NRXN3: variants seen among roughly 807,000 people sequenced by gnomAD.
NRXN3 encodes neurexin 3.
Under a neutral mutation model 137.6 loss-of-function variants are expected in NRXN3, and 32 were observed. The observed-to-expected ratio is 0.23, with a 90% CI of 0.18 to 0.31. The LOEUF (loss-of-function observed/expected upper bound fraction) is 0.31, where lower values mean the gene tolerates loss of function less well. NRXN3 is among the 10% of genes least tolerant of loss of function. The pLI is 1.00. For missense variants in NRXN3, 1,574 were observed against 2,062.5 expected (o/e 0.76, Z 4.59); for synonymous variants, 798 against 784.5 (o/e 1.02, Z -0.29).
At position 79,570,867 on chromosome 14, in the gene NRXN3, AG is replaced by A. The variant is rs546669102; in HGVS notation, c.3445-92909del. Among the ~76,000 whole-genome samples, 335 of 152,226 alleles carry A rather than the reference AG, an allele frequency of 2.2e-3. 2 individuals are homozygous for A. The highest frequency in any genetic ancestry group is 7.5e-3 in the African/African-American group (310 of 41,546). On this transcript the variant is annotated intron_variant, in intron 16 of 20. Transcript: ENST00000335750. The stretch of plus-strand genomic sequence containing the variant: ...GCTGTATTCTCATATCACCTTTCCT[AG>A]GCAGATGCATGCAGAGAGGGCAAGT...
intron 2 of NRXN3, among the ~76,000 whole-genome samples, chr14:78,258,657 A>G (rs2070117377): frequency 6.6e-6 from 1 of 152,236 alleles, no homozygotes; most frequent in East Asian, 1.9e-4. Context: ...TAGGAGTGAA[A>G]GAAAATTCTT....
intron 10 of NRXN3, among the ~76,000 whole-genome samples, chr14:78,840,211 G>C (rs1036658009): frequency 1.3e-5 from 2 of 152,126 alleles, no homozygotes; most frequent in Non-Finnish European, 2.9e-5. Context: ...CACTGTCATT[G>C]CCATTGTCAA....
Position 78,968,171 on chromosome 14 carries a change from A to G in NRXN3, c.2969-2A>G. ...TCTTTTGCTAATTACTTTCCTTTCCAGGTGATCTCTATATGGCTGGTCTGG... is the reference window on the plus strand; with the variant it reads ...TCTTTTGCTAATTACTTTCCTTTCCGGGTGATCTCTATATGGCTGGTCTGG... On this transcript the variant is annotated splice_acceptor_variant, in intron 13 of 20. Coordinates refer to ENST00000335750, the MANE Select transcript of NRXN3 (RefSeq NM_001330195.2). LOFTEE classifies it high-confidence loss of function. The G allele has an allele frequency of 6.3e-7, 1 of 1,584,754 alleles. No homozygotes were observed. The highest frequency in any genetic ancestry group is 8.6e-7 in the Non-Finnish European group (1 of 1,161,576).
chr14:79,546,111 C>T (rs2097317120), intron 16 of NRXN3, among the ~76,000 whole-genome samples: 1 of 152,104 alleles, frequency 6.6e-6, no homozygotes, highest in African/African-American at 2.4e-5. Flanking sequence ...GATTGTGAGG[C>T]CTCCCCAGCC....
intron 19 of NRXN3, among the ~76,000 whole-genome samples, chr14:79,792,909 G>T (rs964442775): frequency 6.6e-6 from 1 of 152,116 alleles, no homozygotes; most frequent in African/African-American, 2.4e-5. Context: ...AAAATTATAT[G>T]GTCATCATTC....
chr14:78,441,441 C>T (rs2094244127), intron 4 of NRXN3, among the ~76,000 whole-genome samples: 1 of 152,208 alleles, frequency 6.6e-6, no homozygotes, highest in African/African-American at 2.4e-5. Context: ...CCAGGAAGCC[C>T]TCCCACTGTC....
chr14:79,044,771 G>T (rs2099630444), intron 15 of NRXN3, among the ~76,000 whole-genome samples: 1 of 150,598 alleles, frequency 6.6e-6, no homozygotes, highest in African/African-American at 2.4e-5. Context: ...AAGCTCAGTG[G>T]TTCCATATAC....
intron 4 of NRXN3, among the ~76,000 whole-genome samples, chr14:78,627,780 G>T (rs1470377924): frequency 6.6e-6 from 1 of 152,152 alleles, no homozygotes; most frequent in Non-Finnish European, 1.5e-5. Flanking sequence ...AAAATGTGTG[G>T]TTTTTAAAGC....
rs1023809825 is a variant in NRXN3 at position 79,866,635 on chromosome 14, T to A, written c.*4671T>A. ...GAATGGGAAGAGAGAAATGGGAGAA[T>A]AGCTTGAGAAGTTCAAGGTCAAGGG... On this transcript the variant is annotated 3_prime_UTR_variant, in exon 21 of 21. Coordinates refer to ENST00000335750, the MANE Select transcript of NRXN3 (RefSeq NM_001330195.2). 2.6e-5 allele frequency: 4 copies of A among 152,120 alleles called. No individual in the cohort carries two copies. Among genetic ancestry groups the A allele is most frequent in the African/African-American group, 9.7e-5 (4 of 41,412 alleles). 9.4% of individuals were successfully genotyped at this position (152,120 alleles called of 1,614,324 possible). A position where few individuals can be genotyped will look rare whatever the true frequency, so the allele number is the denominator to read the frequency against.
chr14:79,622,967 A>ATATTAGACTATTCACTATTATAC (rs1202930297), intron 16 of NRXN3, among the ~76,000 whole-genome samples: 30 of 152,224 alleles, frequency 2.0e-4, no homozygotes, highest in African/African-American at 7.0e-4. Context: ...ATAATAGTGA[A>ATATTAGACTATTCACTATTATAC]ATAATAGACT....
At position 79,843,895 on chromosome 14, in the gene NRXN3, C is replaced by A. The variant is rs75994268; in HGVS notation, c.4094-17447C>A. 2.2e-3 allele frequency among the ~76,000 whole-genome samples: 333 copies of A among 152,106 alleles called. 13 individuals carry two copies. In the East Asian group the frequency reaches 0.044, roughly 20 times the overall value. Reference sequence around the variant, plus strand: ...TGTACCCAATATATAGTCTTTTATCCCTTGCCCCCTCCCAACCTTCAAGTC... The same window carrying A: ...TGTACCCAATATATAGTCTTTTATCACTTGCCCCCTCCCAACCTTCAAGTC... On this transcript the variant is annotated intron_variant, in intron 20 of 20. Coordinates refer to ENST00000335750, the MANE Select transcript of NRXN3 (RefSeq NM_001330195.2).
chr14:79,036,409 C>T (rs925849287), intron 15 of NRXN3, among the ~76,000 whole-genome samples: 4 of 151,798 alleles, frequency 2.6e-5, no homozygotes, highest in Non-Finnish European at 5.9e-5. Context: ...TGTAGACTTG[C>T]GTGAGGGGGA....
chr14:78,639,175 C>T (rs751268745), intron 4 of NRXN3, among the ~76,000 whole-genome samples: 1 of 152,222 alleles, frequency 6.6e-6, no homozygotes, highest in South Asian at 2.1e-4. Flanking sequence ...TAGTAGCCCA[C>T]GTGTTTTTGT....
At chr14:79,763,085 T>G (rs11845769) in intron 19 of NRXN3, among the ~76,000 whole-genome samples, 10,283 of 150,902 alleles carry the variant, frequency 0.068, 1,419 homozygotes, top group African/African-American at 0.24. Flanking sequence ...GCGTTCTCAT[T>G]GTTCAACTCC....
At chr14:79,737,182 C>T (rs2098944953) in intron 19 of NRXN3, among the ~76,000 whole-genome samples, 1 of 152,168 alleles carries the variant, frequency 6.6e-6, no homozygotes, top group Non-Finnish European at 1.5e-5. Flanking sequence ...GGTAACTTAC[C>T]ATTCCAGAGC....
intron 4 of NRXN3, among the ~76,000 whole-genome samples, chr14:78,581,387 A>C (rs1251083457): frequency 2.6e-5 from 4 of 152,320 alleles, no homozygotes; most frequent in South Asian, 2.1e-4. Context: ...CCGGGACGAC[A>C]GCTTGTTGCT....
chr14:78,689,103 C>T (rs541289986), intron 6 of NRXN3, among the ~76,000 whole-genome samples: 140 of 152,140 alleles, frequency 9.2e-4, no homozygotes, highest in African/African-American at 3.2e-3. Flanking sequence ...AATCTCAAAT[C>T]AGTGGGGTTG....
intron 15 of NRXN3, among the ~76,000 whole-genome samples, chr14:79,389,841 G>A (rs2094781448): frequency 6.6e-6 from 1 of 152,108 alleles, no homozygotes; most frequent in Non-Finnish European, 1.5e-5. Context: ...GTGAAAGTCA[G>A]GTTTGAACAA....
chr14:78,356,706 A>G (rs972693891), intron 4 of NRXN3, among the ~76,000 whole-genome samples: 5 of 152,314 alleles, frequency 3.3e-5, no homozygotes, highest in African/African-American at 1.2e-4. Context: ...GCAACTCTGG[A>G]GTGTATTGTA....
Sources: allele counts gnomAD v4.1 joint callset (sites outside exome capture counted in the v4.1 genomes callset), GRCh38; gene constraint gnomAD v4.1.1; transcripts MANE v1.5; gene names NCBI Gene and HGNC (gene_info 2026-07-23, HGNC 2026-07-21).